Variants in HSD17B4 observed in about 807,000 individuals in gnomAD.
HSD17B4 encodes hydroxysteroid 17-beta dehydrogenase 4.
Under a neutral mutation model 101.0 loss-of-function variants are expected in HSD17B4, and 70 were observed. That is an observed-to-expected ratio of 0.69 (90% CI 0.57 to 0.85). The LOEUF is 0.85. HSD17B4 is among the 40% of genes least tolerant of loss of function. HSD17B4 has a pLI of 0.00. For missense variants in HSD17B4, 984 were observed against 892.4 expected (o/e 1.10, Z -1.31); for synonymous variants, 347 against 297.1 (o/e 1.17, Z -1.73).
chr5:119,528,125 A>G (rs1173320666), intron 20 of HSD17B4, among the ~76,000 whole-genome samples: 1 of 152,104 alleles, frequency 6.6e-6, no homozygotes, highest in Non-Finnish European at 1.5e-5. Context: ...AATATGCATA[A>G]TAAATCTGTA....
At chr5:119,464,063 TGA>T (rs1424274957) in intron 2 of HSD17B4, among the ~76,000 whole-genome samples, 3 of 152,194 alleles carry the variant, frequency 2.0e-5, no homozygotes, top group African/African-American at 4.8e-5. Flanking sequence ...TTTTTGGTGT[TGA>T]GTTTTTTATG....
intron 17 of HSD17B4, among the ~76,000 whole-genome samples, chr5:119,524,953 A>G (rs1297440772): frequency 6.6e-6 from 1 of 152,138 alleles, no homozygotes; most frequent in Non-Finnish European, 1.5e-5. Flanking sequence ...CTCCTTAGGT[A>G]GTAGTAACAG....
chr5:119,455,354 TAA>T (rs1754508537), intron 1 of HSD17B4, among the ~76,000 whole-genome samples: 1 of 152,016 alleles, frequency 6.6e-6, no homozygotes, highest in Admixed American at 6.5e-5. Context: ...CCATCTCTAC[TAA>T]AAATACAAAA....
At chr5:119,505,437 T>C (rs2126802012) in intron 14 of HSD17B4, among the ~76,000 whole-genome samples, 1 of 152,296 alleles carries the variant, frequency 6.6e-6, no homozygotes, top group African/African-American at 2.4e-5. Flanking sequence ...TGTTTTATAG[T>C]TCTCCTTGTA....
intron 7 of HSD17B4, among the ~76,000 whole-genome samples, chr5:119,478,292 A>T (rs895791289): frequency 6.6e-6 from 1 of 152,164 alleles, no homozygotes; most frequent in Non-Finnish European, 1.5e-5. Flanking sequence ...TTTAGGATTC[A>T]TACATACCTA....
intron 9 of HSD17B4, among the ~76,000 whole-genome samples, chr5:119,491,641 T>G (rs1306991354): frequency 6.6e-6 from 1 of 152,148 alleles, no homozygotes; most frequent in Non-Finnish European, 1.5e-5. Context: ...TTATTTGGCT[T>G]TGGTTTTCTT....
At chr5:119,486,867 T>G (rs573107222) in intron 8 of HSD17B4, among the ~76,000 whole-genome samples, 2 of 152,274 alleles carry the variant, frequency 1.3e-5, no homozygotes, top group South Asian at 4.1e-4. Context: ...AACATTTCTA[T>G]TCCATTGTAG....
chr5:119,455,564 C>CTATATATATATA (rs1366517649), intron 1 of HSD17B4, among the ~76,000 whole-genome samples: 1 of 126,194 alleles, frequency 7.9e-6, no homozygotes, highest in Non-Finnish European at 1.7e-5. Flanking sequence ...CTCTCTCTCT[C>CTATATATATATA]TCTCTATATA....
In HSD17B4 at chr5:119,478,900, A is replaced by C. The variant is rs776640310; in HGVS notation, c.501A>C (p.Ala167=). Residue 167 remains alanine (A), a synonymous_variant, in exon 8 of 24, where the codon GCA becomes GCC. Transcript: ENST00000510025. Reference sequence around the variant, plus strand: ...TTGGCCAGGCCAATTATAGTGCTGCAAAGTTGGGTCTTCTGGGCCTTGCAA... The same window carrying C: ...TTGGCCAGGCCAATTATAGTGCTGCCAAGTTGGGTCTTCTGGGCCTTGCAA... ...GNFGQANYSA[A]KLGLLGLANS... 51 of 1,613,632 alleles carry C rather than the reference A, an allele frequency of 3.2e-5. No individual in the cohort carries two copies. The highest frequency in any genetic ancestry group is 1.6e-4 in the Middle Eastern group (1 of 6,078).
Position 119,531,338 on chromosome 5 carries a change from G to C in HSD17B4, c.1927G>C (p.Val643Leu). ...CCTAAAGGATATTGGGCCTGAGGTG[G>C]TGAAGAAAGTAAATGCTGTATTTGA... Reference protein sequence around the residue: ...RRLKDIGPEVVKKVNAVFEWH... With the variant: ...RRLKDIGPEVLKKVNAVFEWH... The change falls in exon 22 of 24, where the codon GTG becomes CTG. Residue 643 changes from valine to leucine, a missense_variant. Val to Leu is a conservative substitution (Grantham distance 32). Coordinates refer to ENST00000510025, the MANE Select transcript of HSD17B4 (RefSeq NM_000414.4). 6.2e-7 allele frequency: 1 copy of C among 1,613,654 alleles called. No homozygotes were observed. Among genetic ancestry groups the C allele is most frequent in the Non-Finnish European group, 8.5e-7 (1 of 1,179,702 alleles).
chr5:119,509,332 G>A, intron 16 of HSD17B4, 88 bp downstream of exon 16: 7 of 882,354 alleles, frequency 7.9e-6, no homozygotes, highest in Non-Finnish European at 1.4e-5. Context: ...AGTTTGAACT[G>A]CATGAGCCCA....
chr5:119,492,400 A>G (rs1750190384), intron 10 of HSD17B4: 2 of 439,608 alleles, frequency 4.5e-6, no homozygotes. Context: ...TCCTTCAGAC[A>G]GCATATATTG....
At chr5:119,462,209 G>T (rs1258357032) in intron 2 of HSD17B4, among the ~76,000 whole-genome samples, 6 of 90,900 alleles carry the variant, frequency 6.6e-5, no homozygotes, top group Non-Finnish European at 1.4e-4. Flanking sequence ...TTGGGTGGTT[G>T]ATTTATCTTT....
At chr5:119,491,896 T>C (rs1215469417) in intron 9 of HSD17B4, among the ~76,000 whole-genome samples, 1 of 152,192 alleles carries the variant, frequency 6.6e-6, no homozygotes, top group Non-Finnish European at 1.5e-5. Context: ...TACTTCATTG[T>C]ACTGTTTTAC....
Position 119,492,178 on chromosome 5 carries a change from T to TA in HSD17B4, c.739+55dup, listed in dbSNP as rs1580602133. On this transcript the variant is annotated intron_variant, in intron 10 of 23. Coordinates refer to ENST00000510025, the MANE Select transcript of HSD17B4 (RefSeq NM_000414.4). ...TAGATTATTTCCTTATCTTTAAACCTACATATCCAGTTGAGATGGGTAAGA... is the reference window on the plus strand; with the variant it reads ...TAGATTATTTCCTTATCTTTAAACCTAACATATCCAGTTGAGATGGGTAAGA... 25 of 1,336,588 alleles carry TA rather than the reference T, an allele frequency of 1.9e-5. No individual in the cohort carries two copies. The East Asian group carries it at 5.8e-4, about 31-fold the overall frequency. The allele number at this position is 1,336,588 out of a possible 1,614,324, so 82.8% of individuals were successfully genotyped here.
chr5:119,475,879 T>G lies in HSD17B4; in HGVS notation c.349+9T>G. On this transcript the variant is annotated intron_variant, in intron 6 of 23. Transcript: ENST00000510025. ...AAGTGATGAAGACTGGGGTAAGTTG[T>G]TTTTAGTATTTCTCTGGGGAACATA... is the stretch of plus-strand genomic sequence containing the variant. 6.4e-7 allele frequency: 1 copy of G among 1,565,730 alleles called. No homozygotes were observed. Among genetic ancestry groups the G allele is most frequent in the Non-Finnish European group, 8.8e-7 (1 of 1,136,014 alleles).
rs34403323 is a variant in HSD17B4, at chr5:119,531,563, AGG to A, written c.1993+164_1993+165del. Among the ~76,000 whole-genome samples, 41,092 of 122,210 alleles carry A rather than the reference AGG, an allele frequency of 0.34. 6,804 individuals carry two copies. The highest frequency in any genetic ancestry group is 0.56 in the East Asian group (2,015 of 3,602). The allele number at this position is 122,210 out of a possible 152,430, so 80.2% of individuals were successfully genotyped here. A position where few individuals can be genotyped will look rare whatever the true frequency, so the allele number is the denominator to read the frequency against. On this transcript the variant is annotated intron_variant, in intron 22 of 23. Coordinates refer to ENST00000510025, the MANE Select transcript of HSD17B4 (RefSeq NM_000414.4). ...AATGAATAGGTTTGGGAATGTCCAA[AGG>A]GGGGTGTGTGTGTGTGTGTGTGTGT... is the stretch of plus-strand genomic sequence containing the variant.
At chr5:119,494,292 C>T (rs147541324) in intron 11 of HSD17B4, among the ~76,000 whole-genome samples, 35 of 151,972 alleles carry the variant, frequency 2.3e-4, no homozygotes, top group African/African-American at 7.5e-4. Context: ...CCCAATCTTA[C>T]CATATTTTTC....
At chr5:119,472,865 A>G (rs544505890) in intron 2 of HSD17B4, among the ~76,000 whole-genome samples, 1 of 152,356 alleles carries the variant, frequency 6.6e-6, no homozygotes, top group East Asian at 1.9e-4. Context: ...CATAAGTGGA[A>G]TCATGCCAGT....
Sources: allele counts gnomAD v4.1 joint callset (sites outside exome capture counted in the v4.1 genomes callset), GRCh38; gene constraint gnomAD v4.1.1; transcripts MANE v1.5; gene names NCBI Gene and HGNC (gene_info 2026-07-23, HGNC 2026-07-21).